Variants in XRCC4 observed in about 807,000 individuals in gnomAD.
The protein encoded by XRCC4 is X-ray repair cross complementing 4, also known as DNA repair protein XRCC4.
In XRCC4, 28 loss-of-function variants were observed where a neutral mutation model predicts 39.1. That is an observed-to-expected ratio of 0.72 (90% CI 0.53 to 0.98). The LOEUF (loss-of-function observed/expected upper bound fraction) is 0.98, where lower values mean the gene tolerates loss of function less well. Among genes scored for constraint, XRCC4 ranks in the 50% least tolerant of loss-of-function variants. The pLI is 0.00. For missense variants in XRCC4, 350 were observed against 376.4 expected (o/e 0.93, Z 0.58); for synonymous variants, 123 against 126.4 (o/e 0.97, Z 0.18).
chr5:83,246,007 C>T (rs1431203331), intron 6 of XRCC4, among the ~76,000 whole-genome samples: 2 of 151,114 alleles, frequency 1.3e-5, no homozygotes, highest in Non-Finnish European at 2.9e-5. Context: ...AATTATTTAT[C>T]GAAGTTTCTT....
intron 7 of XRCC4, among the ~76,000 whole-genome samples, chr5:83,311,830 A>T (rs894295025): frequency 3.2e-4 from 48 of 152,188 alleles, no homozygotes; most frequent in African/African-American, 1.0e-3. Context: ...CTTCTTTATA[A>T]TAAAGGCTAT....
At chr5:83,314,892 T>C (rs2112107650) in intron 7 of XRCC4, among the ~76,000 whole-genome samples, 1 of 152,186 alleles carries the variant, frequency 6.6e-6, no homozygotes, top group East Asian at 1.9e-4. Flanking sequence ...ATTAGGCCAG[T>C]TAATACCCCT....
chr5:83,255,380 T>C (rs1035220339), intron 6 of XRCC4, among the ~76,000 whole-genome samples: 2 of 152,208 alleles, frequency 1.3e-5, no homozygotes, highest in Middle Eastern at 3.2e-3. Context: ...AAAAAAGATG[T>C]ATTCCATTTA....
intron 4 of XRCC4, among the ~76,000 whole-genome samples, chr5:83,198,555 A>G (rs1459050942): frequency 6.6e-6 from 1 of 152,150 alleles, no homozygotes. Context: ...TTAATAGTGT[A>G]TATCTGGAAT....
intron 1 of XRCC4, among the ~76,000 whole-genome samples, chr5:83,089,329 G>A (rs1001959032): frequency 9.2e-5 from 14 of 152,164 alleles, no homozygotes; most frequent in Admixed American, 2.6e-4. Flanking sequence ...TCAGCTCCAG[G>A]CCCTTTCCAT....
At chr5:83,143,608 T>G (rs946232452) in intron 3 of XRCC4, among the ~76,000 whole-genome samples, 1 of 152,198 alleles carries the variant, frequency 6.6e-6, no homozygotes, top group Non-Finnish European at 1.5e-5. Flanking sequence ...CCTCTAGCAT[T>G]TCCTGTAGTA....
At chr5:83,164,626 G>A (rs1749373388) in intron 3 of XRCC4, among the ~76,000 whole-genome samples, 1 of 152,056 alleles carries the variant, frequency 6.6e-6, no homozygotes, top group South Asian at 2.1e-4. Context: ...TATGTTAGTA[G>A]CTTGATTGTG....
the XRCC4 span, among the ~76,000 whole-genome samples, chr5:83,372,180 TA>T: frequency 0.056 from 8,408 of 150,364 alleles, 292 homozygotes; most frequent in Admixed American, 0.084. Context: ...GGTTAAGGAA[TA>T]AAAAAAAAAT....
At chr5:83,215,730 T>C (rs747132264) in intron 6 of XRCC4, among the ~76,000 whole-genome samples, 2 of 152,196 alleles carry the variant, frequency 1.3e-5, no homozygotes, top group Non-Finnish European at 2.9e-5. Flanking sequence ...GGGGAAAGGA[T>C]AGTCTTTTAG....
rs568829318 is a variant in XRCC4 at position 83,214,629 on chromosome 5, G to A, written c.745+9708G>A. ...GGGCAGATCACAAGGTCAGGAGATTGAGACCATCCTGGCTAACACGGTGAA... is the reference window on the plus strand; with the variant it reads ...GGGCAGATCACAAGGTCAGGAGATTAAGACCATCCTGGCTAACACGGTGAA... On this transcript the variant is annotated intron_variant, in intron 6 of 7. Transcript: ENST00000396027. Among the ~76,000 whole-genome samples the A allele has an allele frequency of 2.7e-4, 41 of 151,984 alleles. No individual in the cohort carries two copies. The South Asian group carries it at 2.9e-3, about 11-fold the overall frequency.
intron 1 of XRCC4, among the ~76,000 whole-genome samples, chr5:83,083,749 C>T (rs1745063346): frequency 6.6e-6 from 1 of 152,196 alleles, no homozygotes; most frequent in Non-Finnish European, 1.5e-5. Flanking sequence ...TTATTTATCA[C>T]TTCCATGTAT....
intron 7 of XRCC4, among the ~76,000 whole-genome samples, chr5:83,291,248 A>T (rs1754910937): frequency 6.6e-6 from 1 of 151,836 alleles, no homozygotes; most frequent in Non-Finnish European, 1.5e-5. Context: ...TGTGACTTTG[A>T]GCTCCTTTAC....
At chr5:83,106,502 A>G (rs1746204920) in intron 2 of XRCC4, among the ~76,000 whole-genome samples, 1 of 152,090 alleles carries the variant, frequency 6.6e-6, no homozygotes, top group African/African-American at 2.4e-5. Context: ...ATTCTAATCT[A>G]GTCCATAAGC....
At chr5:83,176,582 T>C (rs1185653312) in intron 3 of XRCC4, among the ~76,000 whole-genome samples, 2 of 152,084 alleles carry the variant, frequency 1.3e-5, no homozygotes, top group African/African-American at 4.8e-5. Context: ...AAGATATATG[T>C]ATTTAGAAGT....
chr5:83,189,263 G>A (rs902258945), intron 3 of XRCC4, among the ~76,000 whole-genome samples: 3 of 152,056 alleles, frequency 2.0e-5, no homozygotes, highest in African/African-American at 7.2e-5. Context: ...TCTGTACTAT[G>A]TAGACTTTTG....
intron 7 of XRCC4, among the ~76,000 whole-genome samples, chr5:83,260,428 T>C (rs1418082670): frequency 1.3e-5 from 2 of 152,110 alleles, no homozygotes; most frequent in African/African-American, 4.8e-5. Context: ...ACACAGCTCC[T>C]GTCCTCATGG....
chr5:83,279,079 T>G (rs1292309657), intron 7 of XRCC4, among the ~76,000 whole-genome samples: 2 of 145,742 alleles, frequency 1.4e-5, no homozygotes, highest in African/African-American at 5.0e-5. Context: ...TAAAATATAA[T>G]ATATTATAAA....
chr5:83,259,941 ACAT>A (rs1406747675), intron 7 of XRCC4, among the ~76,000 whole-genome samples: 1 of 152,092 alleles, frequency 6.6e-6, no homozygotes, highest in Non-Finnish European at 1.5e-5. Flanking sequence ...CCTAGTGGGA[ACAT>A]GTTTTAGTTT....
chr5:83,153,763 C>T (rs896751611), intron 3 of XRCC4, among the ~76,000 whole-genome samples: 9 of 152,104 alleles, frequency 5.9e-5, no homozygotes, highest in African/African-American at 2.2e-4. Context: ...TGTTGAATTT[C>T]TAGTAACAGA....
Sources: gnomAD v4.1 joint callset for allele counts (sites outside exome capture counted in the v4.1 genomes callset) on GRCh38, gnomAD v4.1.1 for gene constraint, MANE v1.5 for transcripts, NCBI Gene and HGNC (gene_info 2026-07-23, HGNC 2026-07-21) for gene names.